The following CTNNA3 variants were observed in gnomAD, a reference collection of about 807,000 sequenced individuals.
The protein encoded by CTNNA3 is catenin alpha 3.
A neutral mutation model predicts 95.7 loss-of-function variants in CTNNA3; 76 were observed. The observed-to-expected ratio is 0.79, with a 90% confidence interval of 0.66 to 0.96. The LOEUF (loss-of-function observed/expected upper bound fraction) is 0.96. Among genes scored for constraint, CTNNA3 ranks in the 40% least tolerant of loss-of-function variants. CTNNA3 has a pLI of 0.00. For synonymous variants in CTNNA3, 431 were observed against 374.4 expected, an observed-to-expected ratio of 1.15 and a Z score of -1.74; for missense variants, 1,191 against 1,089.8, an observed-to-expected ratio of 1.09 and a Z score of -1.31.
At chr10:66,361,678 TAG>T (rs1356535416) in intron 12 of CTNNA3, among the ~76,000 whole-genome samples, 10 of 151,506 alleles carry the variant, frequency 6.6e-5, no homozygotes, top group African/African-American at 2.4e-4. Context: ...GCTGTGACTA[TAG>T]GGGTGCACCA....
chr10:66,337,468 C>T (rs905014462), intron 12 of CTNNA3, among the ~76,000 whole-genome samples: 9 of 152,042 alleles, frequency 5.9e-5, no homozygotes, highest in Admixed American at 5.9e-4. Flanking sequence ...TATTGTGCTC[C>T]TCTCTTTTTG....
At chr10:66,688,617 AT>A (rs1334889315) in intron 9 of CTNNA3, among the ~76,000 whole-genome samples, 1 of 152,074 alleles carries the variant, frequency 6.6e-6, no homozygotes, top group Non-Finnish European at 1.5e-5. Context: ...TCAGCAGAAG[AT>A]TTTTTGTTCA....
chr10:67,256,039 CAAAA>C (rs546019520), intron 5 of CTNNA3, among the ~76,000 whole-genome samples: 1 of 144,560 alleles, frequency 6.9e-6, no homozygotes, highest in Admixed American at 7.0e-5. Context: ...AGAACAGCAG[CAAAA>C]AAAAAAGGAT....
intron 11 of CTNNA3, among the ~76,000 whole-genome samples, chr10:66,410,285 G>A (rs988237763): frequency 6.6e-6 from 1 of 152,134 alleles, no homozygotes; most frequent in South Asian, 2.1e-4. Flanking sequence ...TTGCAGACCA[G>A]CCTGCTCTTC....
chr10:66,514,737 A>G (rs1840778571), intron 11 of CTNNA3, among the ~76,000 whole-genome samples: 1 of 152,192 alleles, frequency 6.6e-6, no homozygotes, highest in African/African-American at 2.4e-5. Flanking sequence ...AATAAAAGAA[A>G]GGTTGTATTT....
intron 5 of CTNNA3, among the ~76,000 whole-genome samples, chr10:67,332,252 G>T (rs1185123906): frequency 6.6e-6 from 1 of 152,042 alleles, no homozygotes; most frequent in African/African-American, 2.4e-5. Flanking sequence ...TCATGCTTTT[G>T]AAACTTTATA....
intron 12 of CTNNA3, among the ~76,000 whole-genome samples, chr10:66,313,684 C>T (rs533225860): frequency 1.8e-4 from 27 of 152,266 alleles, no homozygotes; most frequent in Admixed American, 3.3e-4. Context: ...TTCTCTCAAG[C>T]CTTGGGCTGT....
intron 11 of CTNNA3, among the ~76,000 whole-genome samples, chr10:66,395,856 G>A (rs539746586): frequency 1.1e-3 from 169 of 151,982 alleles, no homozygotes; most frequent in Non-Finnish European, 2.0e-3. Flanking sequence ...TAATGGTGAG[G>A]TTTGGGCTCC....
intron 7 of CTNNA3, among the ~76,000 whole-genome samples, chr10:67,176,307 C>T (rs1472751421): frequency 6.6e-6 from 1 of 152,178 alleles, no homozygotes; most frequent in Non-Finnish European, 1.5e-5. Flanking sequence ...CAGTTAATGT[C>T]AGAGAGGCTG....
intron 7 of CTNNA3, among the ~76,000 whole-genome samples, chr10:67,169,209 T>G (rs895742242): frequency 7.2e-5 from 11 of 152,192 alleles, no homozygotes; most frequent in Admixed American, 7.2e-4. Flanking sequence ...ATGGCCATAC[T>G]GCCCAAAGCA....
At chr10:65,941,150 A>G (rs1366888847) in intron 17 of CTNNA3, among the ~76,000 whole-genome samples, 2 of 152,328 alleles carry the variant, frequency 1.3e-5, no homozygotes, top group East Asian at 3.9e-4. Context: ...AGCTTTAGAT[A>G]TATTTAAATC....
At chr10:67,406,199 T>A (rs1845132941) in intron 5 of CTNNA3, among the ~76,000 whole-genome samples, 1 of 152,218 alleles carries the variant, frequency 6.6e-6, no homozygotes, top group Non-Finnish European at 1.5e-5. Flanking sequence ...CCCAGCCATG[T>A]GGAACTGTGA....
chr10:66,038,776 C>G (rs536130104), intron 15 of CTNNA3, among the ~76,000 whole-genome samples: 8 of 152,288 alleles, frequency 5.3e-5, no homozygotes, highest in African/African-American at 1.9e-4. Flanking sequence ...GGCAAACCCA[C>G]AGCCAACATC....
chr10:67,428,396 G>A (rs1407050628), intron 5 of CTNNA3, among the ~76,000 whole-genome samples: 1 of 151,892 alleles, frequency 6.6e-6, no homozygotes, highest in Non-Finnish European at 1.5e-5. Flanking sequence ...ATTTTAAAAT[G>A]GGCCTTAGTA....
chr10:67,230,931 C>T (rs1425893075), intron 5 of CTNNA3, among the ~76,000 whole-genome samples: 6 of 152,154 alleles, frequency 3.9e-5, no homozygotes, highest in Admixed American at 2.6e-4. Flanking sequence ...CCTGGAAGAT[C>T]GGGTCACTCC....
intron 9 of CTNNA3, among the ~76,000 whole-genome samples, chr10:66,689,672 T>C (rs1847442969): frequency 1.3e-5 from 2 of 152,202 alleles, no homozygotes; most frequent in African/African-American, 4.8e-5. Context: ...TAATATTGAA[T>C]GTTGCCTCAC....
At chr10:66,180,188 A>T (rs560490587) in intron 13 of CTNNA3, among the ~76,000 whole-genome samples, 9 of 152,280 alleles carry the variant, frequency 5.9e-5, no homozygotes, top group African/African-American at 2.2e-4. Flanking sequence ...TAATTTCTGC[A>T]AAAGATCACT....
intron 7 of CTNNA3, among the ~76,000 whole-genome samples, chr10:66,910,192 A>G (rs1331758983): frequency 6.6e-6 from 1 of 152,218 alleles, no homozygotes; most frequent in Non-Finnish European, 1.5e-5. Flanking sequence ...AGTCAGCTAG[A>G]AAATGGCTTG....
intron 15 of CTNNA3, among the ~76,000 whole-genome samples, chr10:66,004,094 C>A (rs991774923): frequency 2.0e-5 from 3 of 152,206 alleles, no homozygotes; most frequent in Non-Finnish European, 4.4e-5. Context: ...GAGTTTAAAT[C>A]CATGTTTTCA....
Sources: allele counts gnomAD v4.1 joint callset (sites outside exome capture counted in the v4.1 genomes callset), GRCh38; gene constraint gnomAD v4.1.1; transcripts MANE v1.5; gene names NCBI Gene and HGNC (gene_info 2026-07-23, HGNC 2026-07-21).